BNC2: variants seen among roughly 807,000 people sequenced by gnomAD.
The protein encoded by BNC2 is basonuclin zinc finger protein 2.
Under a neutral mutation model 76.3 loss-of-function variants are expected in BNC2, and 20 were observed. The observed-to-expected ratio is 0.26, with a 90% CI of 0.18 to 0.38. The LOEUF (loss-of-function observed/expected upper bound fraction) is 0.38, where lower values mean the gene tolerates loss of function less well. Ranked by LOEUF, BNC2 falls within the 10% of genes least tolerant of loss-of-function variation. BNC2 has a pLI of 1.00. For synonymous variants in BNC2, 582 were observed against 514.8 expected (o/e 1.13, Z -1.77); for missense variants, 1,382 against 1,399.8 (o/e 0.99, Z 0.20).
At chr9:16,485,924 T>C (rs1157114410) in intron 5 of BNC2, among the ~76,000 whole-genome samples, 1 of 152,242 alleles carries the variant, frequency 6.6e-6, no homozygotes. Flanking sequence ...TTACTTGTGA[T>C]GGCTTTCCAG....
chr9:16,689,454 G>T (rs934280985), intron 3 of BNC2, among the ~76,000 whole-genome samples: 1 of 152,092 alleles, frequency 6.6e-6, no homozygotes, highest in Non-Finnish European at 1.5e-5. Flanking sequence ...ACGCAGGTAG[G>T]CATCTGCCTG....
intron 1 of BNC2, among the ~76,000 whole-genome samples, chr9:16,830,186 G>C (rs118110682): frequency 6.6e-6 from 1 of 152,044 alleles, no homozygotes; most frequent in Non-Finnish European, 1.5e-5. Context: ...TTTCCAACAT[G>C]GTATAAACAA....
At chr9:16,627,298 G>C (rs1240643454) in intron 3 of BNC2, among the ~76,000 whole-genome samples, 2 of 152,054 alleles carry the variant, frequency 1.3e-5, no homozygotes, top group African/African-American at 2.4e-5. Context: ...ATGGGAGTGG[G>C]GACAAAAGTA....
At chr9:16,857,552 CT>C (rs1332546974) in intron 1 of BNC2, among the ~76,000 whole-genome samples, 4 of 149,366 alleles carry the variant, frequency 2.7e-5, no homozygotes, top group African/African-American at 7.4e-5. Flanking sequence ...ATTGTTTCCC[CT>C]AGGGAAAAAA....
At chr9:16,624,414 GAAAA>G (rs1563868770) in intron 3 of BNC2, among the ~76,000 whole-genome samples, 3 of 152,106 alleles carry the variant, frequency 2.0e-5, no homozygotes, top group Non-Finnish European at 4.4e-5. Context: ...GGGGAAACAA[GAAAA>G]ACTGCTCACA....
At position 16,411,891 on chromosome 9, in the gene BNC2, G is replaced by C. The variant is rs569743931; in HGVS notation, c.*7098C>G. 6.6e-6 allele frequency: 1 copy of C among 152,198 alleles called. No homozygotes were observed. 9.4% of individuals were successfully genotyped at this position (152,198 alleles called of 1,614,324 possible). On this transcript the variant is annotated 3_prime_UTR_variant, in exon 7 of 7. Transcript: ENST00000380672. ...TCTGAGATGCGCTGCGGGAAGGTTG[G>C]AAGGAAGCATGGCATCCCCTAGTCC...
chr9:16,564,521 C>G (rs1038272607), intron 4 of BNC2, among the ~76,000 whole-genome samples: 2 of 152,162 alleles, frequency 1.3e-5, no homozygotes, highest in Non-Finnish European at 2.9e-5. Context: ...ACCTGCCCAC[C>G]TGTGATCATT....
Position 16,698,948 on chromosome 9 carries a change from T to A in BNC2, c.330+28849A>T, listed in dbSNP as rs553984790. 4.6e-5 allele frequency among the ~76,000 whole-genome samples: 7 copies of A among 152,324 alleles called. No individual in the cohort carries two copies. The South Asian group carries it at 1.5e-3, about 32-fold the overall frequency. ...ATCAGATCTGCCCTATGAACACATA[T>A]CCTTTTGTACAGAAGTTGTATTTAA... is the stretch of plus-strand genomic sequence containing the variant. On this transcript the variant is annotated intron_variant, in intron 3 of 6. Coordinates refer to ENST00000380672, the MANE Select transcript of BNC2 (RefSeq NM_017637.6).
chr9:16,482,096 A>G (rs1247561139), intron 5 of BNC2, among the ~76,000 whole-genome samples: 1 of 152,228 alleles, frequency 6.6e-6, no homozygotes, highest in Admixed American at 6.5e-5. Flanking sequence ...TGTCAGTAAT[A>G]AAAATATTAG....
chr9:16,552,495 C>G (rs1435584687), intron 5 of BNC2, 35 bp downstream of exon 5: 1 of 1,593,656 alleles, frequency 6.3e-7, no homozygotes, highest in South Asian at 1.1e-5. Context: ...CACAGTCGGC[C>G]CCGGACACGG....
At chr9:16,523,848 C>T (rs1817705789) in intron 5 of BNC2, among the ~76,000 whole-genome samples, 1 of 152,042 alleles carries the variant, frequency 6.6e-6, no homozygotes, top group Non-Finnish European at 1.5e-5. Flanking sequence ...ATCGCTTGAA[C>T]CCAGGAGGCA....
intron 3 of BNC2, among the ~76,000 whole-genome samples, chr9:16,667,517 A>G (rs1822335894): frequency 6.6e-6 from 1 of 152,210 alleles, no homozygotes. Flanking sequence ...ACAGTCCAAG[A>G]AAGTCGATTT....
At chr9:16,616,724 G>A (rs1034707594) in intron 3 of BNC2, among the ~76,000 whole-genome samples, 1 of 146,540 alleles carries the variant, frequency 6.8e-6, no homozygotes, top group Non-Finnish European at 1.5e-5. Context: ...ATGAATGAAA[G>A]AAAGGAAGAA....
At chr9:16,817,096 T>C (rs1469989496) in intron 1 of BNC2, among the ~76,000 whole-genome samples, 1 of 152,202 alleles carries the variant, frequency 6.6e-6, no homozygotes, top group Non-Finnish European at 1.5e-5. Flanking sequence ...CAAAATTACA[T>C]AGGCAGAACA....
Position 16,410,658 on chromosome 9 carries a change from T to A in BNC2, c.*8331A>T, listed in dbSNP as rs768968969. The A allele has an allele frequency of 2.0e-5, 3 of 152,506 alleles. No homozygotes were observed. The highest frequency in any genetic ancestry group is 4.4e-5 in the Non-Finnish European group (3 of 68,032). The allele number at this position is 152,506 out of a possible 1,614,324, so 9.4% of individuals were successfully genotyped here. On this transcript the variant is annotated 3_prime_UTR_variant, in exon 7 of 7. Transcript: ENST00000380672. The stretch of plus-strand genomic sequence containing the variant: ...AGGGTAGAACACGTTTCCAAAGCAA[T>A]TAAAACCAAGATGAGGGAGGGCGTG...
At chr9:16,848,672 C>T (rs1382101328) in intron 1 of BNC2, among the ~76,000 whole-genome samples, 2 of 152,116 alleles carry the variant, frequency 1.3e-5, no homozygotes. Context: ...ATAAAAAAGA[C>T]TTTGGGATTT....
At chr9:16,858,350 A>T (rs978672697) in intron 1 of BNC2, among the ~76,000 whole-genome samples, 1 of 152,172 alleles carries the variant, frequency 6.6e-6, no homozygotes, top group Non-Finnish European at 1.5e-5. Flanking sequence ...TTTCACAGGG[A>T]ACCAGGAGCT....
intron 5 of BNC2, among the ~76,000 whole-genome samples, chr9:16,545,878 T>C (rs1007771484): frequency 1.3e-5 from 2 of 152,232 alleles, no homozygotes; most frequent in African/African-American, 4.8e-5. Flanking sequence ...AAAACAGCAA[T>C]AGCCCTAAAT....
At chr9:16,487,743 T>G (rs1396864699) in intron 5 of BNC2, among the ~76,000 whole-genome samples, 1 of 152,224 alleles carries the variant, frequency 6.6e-6, no homozygotes, top group Non-Finnish European at 1.5e-5. Flanking sequence ...GCCGATTTCT[T>G]GGAATGAAGG....
Sources: gnomAD v4.1 joint callset for allele counts (sites outside exome capture counted in the v4.1 genomes callset) on GRCh38, gnomAD v4.1.1 for gene constraint, MANE v1.5 for transcripts, NCBI Gene and HGNC (gene_info 2026-07-23, HGNC 2026-07-21) for gene names.